The following STAG1 variants were observed in gnomAD, a reference collection of about 807,000 sequenced individuals.
STAG1 encodes STAG1 cohesin complex component, also known as cohesin subunit SA-1.
In STAG1, 26 loss-of-function variants were observed where a neutral mutation model predicts 170.9. The observed-to-expected ratio is 0.15, with a 90% CI of 0.11 to 0.21. The LOEUF (loss-of-function observed/expected upper bound fraction) is 0.21. Among genes scored for constraint, STAG1 ranks in the 10% least tolerant of loss-of-function variants. The probability of loss-of-function intolerance (pLI) is 1.00; values close to 1 mark genes in which losing one functional copy is unlikely to be tolerated. For synonymous variants in STAG1, 514 were observed against 497.7 expected (o/e 1.03, Z -0.44); for missense variants, 964 against 1,509.5 (o/e 0.64, Z 5.99).
At chr3:136,459,868 A>C (rs2089225952) in intron 13 of STAG1, among the ~76,000 whole-genome samples, 1 of 152,200 alleles carries the variant, frequency 6.6e-6, no homozygotes, top group Non-Finnish European at 1.5e-5. Flanking sequence ...GTTCTAAAGG[A>C]AAGTTTATAC....
chr3:136,716,058 A>C (rs1943533506), intron 1 of STAG1, among the ~76,000 whole-genome samples: 1 of 152,206 alleles, frequency 6.6e-6, no homozygotes, highest in Non-Finnish European at 1.5e-5. Flanking sequence ...CGATGGCGCC[A>C]CTGCACTCCA....
At chr3:136,709,068 T>A (rs748477756) in intron 1 of STAG1, among the ~76,000 whole-genome samples, 1 of 146,776 alleles carries the variant, frequency 6.8e-6, no homozygotes, top group African/African-American at 2.5e-5. Context: ...GATGGGTGGA[T>A]CACATGAGGT....
chr3:136,699,381 C>G (rs781580781), intron 1 of STAG1, among the ~76,000 whole-genome samples: 1 of 151,928 alleles, frequency 6.6e-6, no homozygotes, highest in Non-Finnish European at 1.5e-5. Flanking sequence ...AATTAGTCAA[C>G]TGCATTTTCT....
At chr3:136,567,716 A>T (rs1937134761) in intron 5 of STAG1, among the ~76,000 whole-genome samples, 1 of 152,076 alleles carries the variant, frequency 6.6e-6, no homozygotes, top group African/African-American at 2.4e-5. Context: ...ATTTACCTAA[A>T]CCCTTTCATC....
intron 1 of STAG1, among the ~76,000 whole-genome samples, chr3:136,692,313 CAAAAAAAAAAAA>C (rs71157399): frequency 5.4e-4 from 25 of 46,228 alleles, no homozygotes; most frequent in Non-Finnish European, 5.7e-4. Context: ...GACTCCATCT[CAAAAAAAAAAAA>C]AAAAAAAAAA....
At chr3:136,662,648 T>G (rs1210266816) in intron 1 of STAG1, among the ~76,000 whole-genome samples, 2 of 152,106 alleles carry the variant, frequency 1.3e-5, no homozygotes, top group African/African-American at 4.8e-5. Flanking sequence ...TCTTACCATG[T>G]TGCCCAGTCT....
chr3:136,549,158 G>A (rs1364761185), intron 5 of STAG1, among the ~76,000 whole-genome samples: 1 of 152,038 alleles, frequency 6.6e-6, no homozygotes, highest in Non-Finnish European at 1.5e-5. Context: ...TCTTTCTTAT[G>A]CTATTGCAAA....
chr3:136,442,206 A>G (rs1266136529), intron 15 of STAG1, among the ~76,000 whole-genome samples: 2 of 152,190 alleles, frequency 1.3e-5, no homozygotes, highest in East Asian at 3.9e-4. Flanking sequence ...ACACACACAC[A>G]CAAAAATTTT....
chr3:136,475,138 C>CTTTTTTTT (rs10686674), intron 10 of STAG1, among the ~76,000 whole-genome samples: 9 of 76,002 alleles, frequency 1.2e-4, no homozygotes, highest in Non-Finnish European at 1.4e-4. Context: ...TTATAGGTTC[C>CTTTTTTTT]TTTTTTTTTT....
At chr3:136,369,731 TAATG>T in intron 23 of STAG1, among the ~76,000 whole-genome samples, 2 of 152,308 alleles carry the variant, frequency 1.3e-5, no homozygotes, top group Admixed American at 1.3e-4. Context: ...CAACATAGTA[TAATG>T]AATATTTCTA....
intron 15 of STAG1, among the ~76,000 whole-genome samples, chr3:136,442,853 C>T (rs1459487348): frequency 2.0e-5 from 3 of 152,076 alleles, no homozygotes; most frequent in Non-Finnish European, 2.9e-5. Flanking sequence ...AGTAAGATCC[C>T]TGTCTCCACA....
At chr3:136,655,220 C>G (rs1239127565) in intron 1 of STAG1, among the ~76,000 whole-genome samples, 1 of 152,108 alleles carries the variant, frequency 6.6e-6, no homozygotes, top group African/African-American at 2.4e-5. Context: ...AGGAGAAAAC[C>G]TTTGCCAAGT....
intron 1 of STAG1, among the ~76,000 whole-genome samples, chr3:136,727,242 A>G (rs1933739980): frequency 6.6e-6 from 1 of 152,192 alleles, no homozygotes; most frequent in Admixed American, 6.5e-5. Flanking sequence ...CTTAAGTAAT[A>G]GGCGAGCTGG....
At chr3:136,594,675 A>G (rs536402817) in intron 4 of STAG1, among the ~76,000 whole-genome samples, 1 of 152,318 alleles carries the variant, frequency 6.6e-6, no homozygotes, top group South Asian at 2.1e-4. Context: ...CAAGACTAGA[A>G]AGTCCATGAA....
intron 1 of STAG1, chr3:136,736,806 C>G (rs1934361799): frequency 1.3e-6 from 2 of 1,586,632 alleles, no homozygotes. Flanking sequence ...TCCTCCTCTA[C>G]AATTGTAGGT....
intron 21 of STAG1, among the ~76,000 whole-genome samples, chr3:136,416,641 T>C (rs74827276): frequency 0.064 from 9,684 of 152,258 alleles, 389 homozygotes; most frequent in Non-Finnish European, 0.088. Context: ...AGGTTGCTGG[T>C]CTGAGATGAA....
At chr3:136,601,836 CAA>C (rs138817941) in intron 4 of STAG1, among the ~76,000 whole-genome samples, 9 of 127,532 alleles carry the variant, frequency 7.1e-5, no homozygotes, top group Non-Finnish European at 1.0e-4. Context: ...GCTCATTCTC[CAA>C]AAAAAAAAAG....
At chr3:136,651,715 T>C (rs1941223442) in intron 1 of STAG1, among the ~76,000 whole-genome samples, 1 of 152,086 alleles carries the variant, frequency 6.6e-6, no homozygotes, top group African/African-American at 2.4e-5. Context: ...ATATGTAGAC[T>C]ACCAACAGAA....
chr3:136,339,800 G>A lies in STAG1; in HGVS notation c.3672+691C>T, dbSNP rs571664105. Among the ~76,000 whole-genome samples the A allele has an allele frequency of 5.3e-5, 8 of 152,204 alleles. No homozygotes were observed. In the South Asian group the frequency reaches 1.7e-3, roughly 32 times the overall value. On this transcript the variant is annotated intron_variant, in intron 32 of 33. Coordinates refer to ENST00000383202, the MANE Select transcript of STAG1 (RefSeq NM_005862.3). ...TGCATTACTATTCCTGAAGAAATAA[G>A]TTCTTAGTATCACCTATGGTTAAGT...
Sources: allele counts gnomAD v4.1 joint callset (sites outside exome capture counted in the v4.1 genomes callset), GRCh38; gene constraint gnomAD v4.1.1; transcripts MANE v1.5; gene names NCBI Gene and HGNC (gene_info 2026-07-23, HGNC 2026-07-21).